The following ASS1 variants were observed in gnomAD, a reference collection of about 807,000 sequenced individuals.
The protein encoded by ASS1 is argininosuccinate synthase.
A neutral mutation model predicts 60.5 loss-of-function variants in ASS1; 58 were observed. The ratio of observed to expected loss-of-function variants is 0.96; its 90% CI spans 0.78 to 1.19. The LOEUF (loss-of-function observed/expected upper bound fraction) is 1.19, where lower values mean the gene tolerates loss of function less well. ASS1 is among the 50% of genes most tolerant of loss of function. The pLI is 0.00. For synonymous variants in ASS1, 200 were observed against 206.9 expected, an observed-to-expected ratio of 0.97 and a Z score of 0.29; for missense variants, 454 against 547.3, an observed-to-expected ratio of 0.83 and a Z score of 1.70.
At chr9:130,449,913 C>A (rs964762812) in intron 1 of ASS1, among the ~76,000 whole-genome samples, 5 of 152,114 alleles carry the variant, frequency 3.3e-5, no homozygotes, top group Admixed American at 6.5e-5. Flanking sequence ...TGAGGTGCCA[C>A]CCTCAAACTT....
In ASS1 at chr9:130,470,783, A is replaced by C. The variant is rs1845847892; in HGVS notation, c.496-51A>C. Reference sequence around the variant, plus strand: ...AAGCAGGGCCCCTGGGACGGACCTCACGCGTCCTTCCAGCCGCCTTACCTC... The same window carrying C: ...AAGCAGGGCCCCTGGGACGGACCTCCCGCGTCCTTCCAGCCGCCTTACCTC... On this transcript the variant is annotated intron_variant, in intron 6 of 14. Transcript: ENST00000352480. The surrounding 1 kb of genome is among the most constrained non-coding windows in gnomAD (Gnocchi z 4.3). 7 of 1,553,250 alleles carry C rather than the reference A, an allele frequency of 4.5e-6. No homozygotes were observed. Among genetic ancestry groups the C allele is most frequent in the Non-Finnish European group, 6.2e-6 (7 of 1,124,934 alleles).
chr9:130,471,526 A>G lies in ASS1; in HGVS notation c.597+11A>G, dbSNP rs1295114327. 6.2e-7 allele frequency: 1 copy of G among 1,613,650 alleles called. No homozygotes were observed. Among genetic ancestry groups the G allele is most frequent in the East Asian group, 2.2e-5 (1 of 44,866 alleles). ...CTGGAGAACCCCAAGGTAATCCCCC[A>G]AACCCCATCTCCTCCCAGCTGGCCA... On this transcript the variant is annotated intron_variant, in intron 8 of 14. Transcript: ENST00000352480.
chr9:130,452,209 C>T lies in ASS1; in HGVS notation c.-5-15C>T, dbSNP rs746133524. The T allele has an allele frequency of 1.9e-6, 3 of 1,612,212 alleles. No individual in the cohort carries two copies. The highest frequency in any genetic ancestry group is 2.2e-5 in the South Asian group (2 of 90,774). On this transcript the variant is annotated splice_polypyrimidine_tract_variant and intron_variant, in intron 1 of 14. Transcript: ENST00000352480. The stretch of plus-strand genomic sequence containing the variant: ...TGTCTCAGGGTCACTCAGGTTGTTC[C>T]TCGACTCCCGCCAGACGCTATGTCC...
At chr9:130,497,119 T>C (rs1415913826) in intron 13 of ASS1, among the ~76,000 whole-genome samples, 1 of 152,234 alleles carries the variant, frequency 6.6e-6, no homozygotes, top group Admixed American at 6.5e-5. Flanking sequence ...TCTGGCTCTT[T>C]CTTCCCTCCC....
At chr9:130,462,719 C>T (rs891675362) in intron 4 of ASS1, among the ~76,000 whole-genome samples, 2 of 152,136 alleles carry the variant, frequency 1.3e-5, no homozygotes, top group African/African-American at 2.4e-5. Context: ...GGAACGGGGC[C>T]GGCTGGGGGT....
At chr9:130,454,739 T>C (rs1170320947) in intron 3 of ASS1, among the ~76,000 whole-genome samples, 1 of 151,582 alleles carries the variant, frequency 6.6e-6, no homozygotes, top group Non-Finnish European at 1.5e-5. Flanking sequence ...CATCCATCCA[T>C]CCATTCAGCC....
chr9:130,473,068 C>T (rs76351212), intron 8 of ASS1, among the ~76,000 whole-genome samples: 2,941 of 152,298 alleles, frequency 0.019, 119 homozygotes, highest in African/African-American at 0.067. Flanking sequence ...CCCAGGCCTC[C>T]TGTCTCATGA....
intron 8 of ASS1, among the ~76,000 whole-genome samples, chr9:130,471,972 C>T (rs1183101657): frequency 6.6e-6 from 1 of 152,162 alleles, no homozygotes; most frequent in African/African-American, 2.4e-5. Flanking sequence ...CACCCGCCAC[C>T]ACCGGCCACC....
rs946001121 is a variant in ASS1, at chr9:130,477,686, G to A, written c.688+725G>A. Among the ~76,000 whole-genome samples the A allele has an allele frequency of 6.6e-6, 1 of 152,224 alleles. No homozygotes were observed. Among genetic ancestry groups the A allele is most frequent in the Admixed American group, 6.5e-5 (1 of 15,290 alleles). The stretch of plus-strand genomic sequence containing the variant: ...CGCCTGGGCTCAGAGGGAGGGCTCA[G>A]AGGGCGGGCTCAGAGGGCCTGAAGG... On this transcript the variant is annotated intron_variant, in intron 9 of 14. Transcript: ENST00000352480. This position sits in a 1 kb window ranked among gnomAD's most constrained non-coding sequence, Gnocchi z 4.2.
intron 4 of ASS1, among the ~76,000 whole-genome samples, chr9:130,463,901 C>T (rs1845663747): frequency 6.6e-6 from 1 of 152,062 alleles, no homozygotes. Context: ...ACATGTGTGC[C>T]CTCTCCTATA....
At chr9:130,447,149 T>G (rs745568070) in intron 1 of ASS1, among the ~76,000 whole-genome samples, 5 of 152,088 alleles carry the variant, frequency 3.3e-5, no homozygotes, top group Non-Finnish European at 7.4e-5. Flanking sequence ...CATGACTCAC[T>G]GGGGGGCTGG....
chr9:130,482,861 TC>T (rs1846205558), intron 11 of ASS1, among the ~76,000 whole-genome samples: 1 of 152,136 alleles, frequency 6.6e-6, no homozygotes, highest in African/African-American at 2.4e-5. Context: ...TTGGAGGCTC[TC>T]CCCAAAAGCA....
chr9:130,500,638 C>T (rs1385045798), intron 14 of ASS1, among the ~76,000 whole-genome samples: 2 of 152,074 alleles, frequency 1.3e-5, no homozygotes, highest in Non-Finnish European at 2.9e-5. Context: ...CTGCCTCCTG[C>T]GCCCTCTGTT....
In ASS1 at chr9:130,501,229, A is replaced by G. The variant is rs1846748736; in HGVS notation, c.*208A>G. On this transcript the variant is annotated 3_prime_UTR_variant, in exon 15 of 15. Transcript: ENST00000352480. Reference sequence around the variant, plus strand: ...AGGGTGGGGGGCAGCTGCGGTGGGGAGCTATAAAAATGACAATTAAAAGAG... The same window carrying G: ...AGGGTGGGGGGCAGCTGCGGTGGGGGGCTATAAAAATGACAATTAAAAGAG... 1 of 585,880 alleles carries G rather than the reference A, an allele frequency of 1.7e-6. No homozygotes were observed. The highest frequency in any genetic ancestry group is 1.9e-5 in the African/African-American group (1 of 52,816). 36.3% of individuals were successfully genotyped at this position (585,880 alleles called of 1,614,324 possible).
chr9:130,474,074 C>CCCCCCCCCCCA (rs1554722814), intron 8 of ASS1, among the ~76,000 whole-genome samples: 1 of 100,058 alleles, frequency 1.0e-5, no homozygotes, highest in Non-Finnish European at 2.2e-5. Context: ...CCCCCCCCCC[C>CCCCCCCCCCCA]CACAGATGAC....
chr9:130,493,289 G>GCAT (rs1728788391), intron 12 of ASS1, among the ~76,000 whole-genome samples: 1 of 152,226 alleles, frequency 6.6e-6, no homozygotes, highest in African/African-American at 2.4e-5. Flanking sequence ...CTGGCACAGA[G>GCAT]CATCATGTTC....
intron 12 of ASS1, among the ~76,000 whole-genome samples, chr9:130,493,582 C>T (rs1846505464): frequency 6.6e-6 from 1 of 152,192 alleles, no homozygotes; most frequent in Non-Finnish European, 1.5e-5. Flanking sequence ...TGCAGGTGCC[C>T]CCAGGGGCCT....
intron 2 of ASS1, 86 bp from the exon 3 acceptor site, chr9:130,454,219 G>C: frequency 1.5e-6 from 2 of 1,353,714 alleles, no homozygotes; most frequent in Non-Finnish European, 1.0e-6. Flanking sequence ...CTCTGTAGCA[G>C]GGGGTGGGAG....
chr9:130,497,488 T>TTA lies in ASS1; in HGVS notation c.1128-2017_1128-2016insTA, dbSNP rs1491158112. Among the ~76,000 whole-genome samples, 277 of 142,764 alleles carry TTA rather than the reference T, an allele frequency of 1.9e-3. 1 individual carries two copies. The highest frequency in any genetic ancestry group is 6.7e-3 in the African/African-American group (256 of 37,964). The allele number at this position is 142,764 out of a possible 152,430, so 93.7% of individuals were successfully genotyped here. A position where few individuals can be genotyped will look rare whatever the true frequency, so the allele number is the denominator to read the frequency against. ...GTTTTCTGTAGACCGTCAGGGGAGG[T>TTA]AAAAAAAAAAAAAGAAAAAAATCAT... On this transcript the variant is annotated intron_variant, in intron 13 of 14. Coordinates refer to ENST00000352480, the MANE Select transcript of ASS1 (RefSeq NM_054012.4).
Sources: allele counts gnomAD v4.1 joint callset (sites outside exome capture counted in the v4.1 genomes callset), GRCh38; gene constraint gnomAD v4.1.1; non-coding constraint Gnocchi (gnomAD v3.1); transcripts MANE v1.5; gene names NCBI Gene and HGNC (gene_info 2026-07-23, HGNC 2026-07-21).